The following NAV2 variants were observed in gnomAD, a reference collection of about 807,000 sequenced individuals.
NAV2 encodes neuron navigator 2.
Under a neutral mutation model 223.2 loss-of-function variants are expected in NAV2, and 54 were observed. The ratio of observed to expected loss-of-function variants is 0.24; its 90% confidence interval spans 0.19 to 0.30. The LOEUF (loss-of-function observed/expected upper bound fraction) is 0.30, where lower values mean the gene tolerates loss of function less well. NAV2 is among the 10% of genes least tolerant of loss of function. The pLI is 1.00. For synonymous variants in NAV2, 1,279 were observed against 1,239.3 expected (o/e 1.03, Z -0.67); for missense variants, 2,806 against 3,147.5 (o/e 0.89, Z 2.60).
At chr11:19,999,395 T>C (rs2052316534) in intron 11 of NAV2, among the ~76,000 whole-genome samples, 2 of 152,070 alleles carry the variant, frequency 1.3e-5, no homozygotes, top group Admixed American at 6.6e-5. Flanking sequence ...TTGGATGGAG[T>C]TTTGCTCTTG....
intron 10 of NAV2, among the ~76,000 whole-genome samples, chr11:19,949,415 G>A (rs954527653): frequency 6.6e-6 from 1 of 152,208 alleles, no homozygotes; most frequent in Non-Finnish European, 1.5e-5. Flanking sequence ...GCCTGTACCT[G>A]CCTCTTAGAT....
chr11:19,991,629 T>C (rs1196200135), intron 11 of NAV2, among the ~76,000 whole-genome samples: 1 of 152,104 alleles, frequency 6.6e-6, no homozygotes, highest in African/African-American at 2.4e-5. Flanking sequence ...TGTGGGGAAA[T>C]GATGTGCAAA....
intron 1 of NAV2, among the ~76,000 whole-genome samples, chr11:19,797,395 T>C (rs997871755): frequency 6.6e-6 from 1 of 152,236 alleles, no homozygotes; most frequent in African/African-American, 2.4e-5. Context: ...ATCCCCATAT[T>C]GCACAGTTCA....
At chr11:19,732,512 A>G (rs1305216915) in intron 1 of NAV2, among the ~76,000 whole-genome samples, 3 of 152,242 alleles carry the variant, frequency 2.0e-5, no homozygotes, top group Non-Finnish European at 2.9e-5. Flanking sequence ...TGAGTAGCAT[A>G]ACAACCTTGT....
At chr11:19,773,032 T>C (rs2055844215) in intron 1 of NAV2, among the ~76,000 whole-genome samples, 1 of 152,196 alleles carries the variant, frequency 6.6e-6, no homozygotes, top group Non-Finnish European at 1.5e-5. Flanking sequence ...CACTGATGAG[T>C]AGCTCTTGCT....
chr11:19,777,298 G>A (rs1389677790), intron 1 of NAV2, among the ~76,000 whole-genome samples: 1 of 151,576 alleles, frequency 6.6e-6, no homozygotes, highest in African/African-American at 2.4e-5. Flanking sequence ...GCCCCGGGGC[G>A]GGGGCGAGGC....
intron 12 of NAV2, among the ~76,000 whole-genome samples, chr11:20,038,735 G>T (rs1002769218): frequency 2.0e-5 from 3 of 152,216 alleles, no homozygotes; most frequent in African/African-American, 7.2e-5. Flanking sequence ...GCCAGGCAAG[G>T]CGTGGGGAGG....
At chr11:19,812,848 C>T (rs746712556) in intron 1 of NAV2, among the ~76,000 whole-genome samples, 1 of 152,176 alleles carries the variant, frequency 6.6e-6, no homozygotes, top group Non-Finnish European at 1.5e-5. Flanking sequence ...AAAAGGCAAT[C>T]TTAAGAGGAG....
intron 1 of NAV2, among the ~76,000 whole-genome samples, chr11:19,485,115 C>T (rs1464718602): frequency 6.6e-6 from 1 of 152,152 alleles, no homozygotes; most frequent in East Asian, 1.9e-4. Flanking sequence ...ACAGGCAACT[C>T]CTGTGGACCC....
chr11:19,528,215 A>C (rs574830266), intron 1 of NAV2, among the ~76,000 whole-genome samples: 7 of 152,282 alleles, frequency 4.6e-5, no homozygotes, highest in African/African-American at 1.7e-4. Flanking sequence ...GAAAAGAAAA[A>C]TGGTAGCAGA....
At chr11:20,040,621 C>T (rs904813327) in intron 12 of NAV2, among the ~76,000 whole-genome samples, 9 of 152,220 alleles carry the variant, frequency 5.9e-5, no homozygotes, top group African/African-American at 2.2e-4. Context: ...GGCCTCCCTT[C>T]TGAAGTCCCT....
intron 1 of NAV2, among the ~76,000 whole-genome samples, chr11:19,645,705 C>G (rs542899874): frequency 7.2e-5 from 11 of 152,176 alleles, no homozygotes; most frequent in African/African-American, 2.6e-4. Context: ...AAAAGCATGT[C>G]TCATTTATTA....
intron 11 of NAV2, among the ~76,000 whole-genome samples, chr11:20,021,070 G>A (rs2054465908): frequency 6.6e-6 from 1 of 152,116 alleles, no homozygotes; most frequent in Non-Finnish European, 1.5e-5. Context: ...ACCTGCCATA[G>A]CCAGCCCATG....
intron 1 of NAV2, among the ~76,000 whole-genome samples, chr11:19,780,859 G>A (rs1043508824): frequency 3.3e-5 from 5 of 152,108 alleles, no homozygotes; most frequent in African/African-American, 1.2e-4. Flanking sequence ...AAGTTCTTGG[G>A]GGGAAGTTAC....
intron 14 of NAV2, 128 bp downstream of exon 14, chr11:20,045,798 C>A: frequency 1.3e-6 from 1 of 784,974 alleles, no homozygotes; most frequent in Non-Finnish European, 2.0e-6. Context: ...GCTGTTTTGT[C>A]AGATCAGGCC....
chr11:19,556,121 G>A (rs2044881520), intron 1 of NAV2, among the ~76,000 whole-genome samples: 1 of 152,174 alleles, frequency 6.6e-6, no homozygotes, highest in African/African-American at 2.4e-5. Context: ...ACTTGAAAAT[G>A]TTCACTCTAC....
At chr11:19,706,720 T>C (rs1341926886) in intron 1 of NAV2, among the ~76,000 whole-genome samples, 1 of 152,236 alleles carries the variant, frequency 6.6e-6, no homozygotes, top group East Asian at 1.9e-4. Context: ...CAACAATTTA[T>C]TCCTTGTATT....
chr11:20,112,771 G>A (rs1028050890), intron 36 of NAV2, among the ~76,000 whole-genome samples: 2 of 152,184 alleles, frequency 1.3e-5, no homozygotes, highest in Admixed American at 6.5e-5. Flanking sequence ...CTTTCTCAGC[G>A]GGCTCTGCTC....
chr11:19,503,716 C>T (rs1054935838), intron 1 of NAV2: 7 of 152,158 alleles, frequency 4.6e-5, no homozygotes, highest in African/African-American at 1.7e-4. Context: ...GTCTTGGTTG[C>T]TTACAAGTTC....
Sources: gnomAD v4.1 joint callset for allele counts (sites outside exome capture counted in the v4.1 genomes callset) on GRCh38, gnomAD v4.1.1 for gene constraint, MANE v1.5 for transcripts, NCBI Gene and HGNC (gene_info 2026-07-23, HGNC 2026-07-21) for gene names.